Variants in ZFP64 observed in about 807,000 individuals in gnomAD.
ZFP64 encodes the protein ZFP64 zinc finger protein.
In ZFP64, 14 loss-of-function variants were observed where a neutral mutation model predicts 51.6. The observed-to-expected ratio is 0.27, with a 90% CI of 0.18 to 0.42. The LOEUF is 0.42. Among genes scored for constraint, ZFP64 ranks in the 10% least tolerant of loss-of-function variants. The probability of loss-of-function intolerance (pLI) is 1.00; values close to 1 mark genes in which losing one functional copy is unlikely to be tolerated. For synonymous variants in ZFP64, 375 were observed against 361.4 expected, an observed-to-expected ratio of 1.04 and a Z score of -0.43; for missense variants, 754 against 906.8, an observed-to-expected ratio of 0.83 and a Z score of 2.16.
At chr20:52,167,810 AT>A (rs1982405638) in intron 2 of ZFP64, among the ~76,000 whole-genome samples, 1 of 152,170 alleles carries the variant, frequency 6.6e-6, no homozygotes. Context: ...TTTACAGATT[AT>A]TTAAGTCAAC....
intron 2 of ZFP64, among the ~76,000 whole-genome samples, chr20:52,176,526 G>A (rs974439824): frequency 2.5e-4 from 30 of 119,404 alleles, no homozygotes; most frequent in Admixed American, 2.3e-4. Flanking sequence ...TTTTTGAGAC[G>A]GAGTCTCGCT....
chr20:52,102,952 A>G (rs926083742), intron 5 of ZFP64, among the ~76,000 whole-genome samples: 1 of 151,930 alleles, frequency 6.6e-6, no homozygotes, highest in Non-Finnish European at 1.5e-5. Context: ...CATGTTTTCA[A>G]CGCAAACTAG....
At chr20:52,086,432 A>G (rs1296479798) in intron 8 of ZFP64, among the ~76,000 whole-genome samples, 5 of 151,106 alleles carry the variant, frequency 3.3e-5, no homozygotes, top group African/African-American at 1.2e-4. Context: ...AGGAATCTCA[A>G]TTTCAGAAGT....
intron 5 of ZFP64, among the ~76,000 whole-genome samples, chr20:52,113,577 C>T (rs1053788165): frequency 1.4e-5 from 2 of 146,604 alleles, no homozygotes; most frequent in African/African-American, 2.5e-5. Flanking sequence ...ACAAGGCACC[C>T]GCCACCATAC....
At chr20:52,162,608 C>T (rs1449300519) in intron 4 of ZFP64, among the ~76,000 whole-genome samples, 1 of 152,104 alleles carries the variant, frequency 6.6e-6, no homozygotes, top group Non-Finnish European at 1.5e-5. Context: ...GCCTGGGTGA[C>T]AGAGCGAGAC....
chr20:52,138,418 G>A (rs1276007804), intron 5 of ZFP64, among the ~76,000 whole-genome samples: 1 of 151,976 alleles, frequency 6.6e-6, no homozygotes, highest in African/African-American at 2.4e-5. Flanking sequence ...CAAAGACAAG[G>A]AGAGGCTGAT....
Position 52,191,518 on chromosome 20 carries a change from G to A in ZFP64, c.46+73C>T. On this transcript the variant is annotated intron_variant, in intron 1 of 5. Transcript: ENST00000216923. This position sits in a 1 kb window ranked among gnomAD's most constrained non-coding sequence, Gnocchi z 4.3. The stretch of plus-strand genomic sequence containing the variant: ...CCCCGGGCCTGCTGGCTGCGTCGCA[G>A]ACGTGCTTGGGCCCGGGCCCCGGAG... 1 of 1,459,136 alleles carries A rather than the reference G, an allele frequency of 6.9e-7. No homozygotes were observed. Among genetic ancestry groups the A allele is most frequent in the Non-Finnish European group, 9.1e-7 (1 of 1,104,500 alleles). The allele number at this position is 1,459,136 out of a possible 1,614,324, so 90.4% of individuals were successfully genotyped here. A position where few individuals can be genotyped will look rare whatever the true frequency, so the allele number is the denominator to read the frequency against.
At chr20:52,182,863 T>G (rs1983709373) in intron 2 of ZFP64, among the ~76,000 whole-genome samples, 10 of 152,136 alleles carry the variant, frequency 6.6e-5, no homozygotes, top group Admixed American at 6.6e-4. Context: ...GGTGCTGGGA[T>G]CCAGTGGTGA....
At chr20:52,144,615 A>T (rs1247160975) in intron 5 of ZFP64, among the ~76,000 whole-genome samples, 1 of 148,532 alleles carries the variant, frequency 6.7e-6, no homozygotes, top group Non-Finnish European at 1.5e-5. Context: ...CTGAAAGCTG[A>T]AATGAATGAA....
chr20:52,131,129 A>G (rs1979702916), intron 5 of ZFP64, among the ~76,000 whole-genome samples: 1 of 151,430 alleles, frequency 6.6e-6, no homozygotes, highest in South Asian at 2.1e-4. Flanking sequence ...AGGGAGGAAG[A>G]CAGGAAGAAA....
chr20:52,108,804 C>T (rs182748875), intron 5 of ZFP64, among the ~76,000 whole-genome samples: 9 of 151,230 alleles, frequency 6.0e-5, no homozygotes, highest in African/African-American at 2.2e-4. Context: ...CCACTGCGCC[C>T]GGCCATCATG....
At chr20:52,176,218 A>G (rs902012218) in intron 2 of ZFP64, among the ~76,000 whole-genome samples, 2 of 152,110 alleles carry the variant, frequency 1.3e-5, no homozygotes, top group African/African-American at 4.8e-5. Context: ...AACCTGGGCG[A>G]CGTAGTGAGA....
chr20:52,097,350 T>C, intron 7 of ZFP64: 2 of 1,607,476 alleles, frequency 1.2e-6, no homozygotes, highest in Non-Finnish European at 1.7e-6. Flanking sequence ...CTTACTGAGC[T>C]GTTGAACAGA....
At chr20:52,126,269 T>C (rs1388066735) in intron 5 of ZFP64, among the ~76,000 whole-genome samples, 1 of 152,186 alleles carries the variant, frequency 6.6e-6, no homozygotes, top group Non-Finnish European at 1.5e-5. Flanking sequence ...ATCCCCATTA[T>C]AGAGAAGAAG....
chr20:52,128,013 C>T (rs1017305437), intron 5 of ZFP64, among the ~76,000 whole-genome samples: 4 of 152,110 alleles, frequency 2.6e-5, no homozygotes, highest in Non-Finnish European at 4.4e-5. Context: ...TGGCTCTGGG[C>T]TGTGGTTTGG....
chr20:52,158,021 A>C (rs112251974), intron 5 of ZFP64, among the ~76,000 whole-genome samples: 1,910 of 152,342 alleles, frequency 0.013, 19 homozygotes, highest in African/African-American at 0.019. Flanking sequence ...ATGGCTGCAC[A>C]GTATTCCACA....
chr20:52,097,860 G>A (rs1173709302), intron 6 of ZFP64, among the ~76,000 whole-genome samples: 3 of 151,766 alleles, frequency 2.0e-5, no homozygotes, highest in African/African-American at 7.3e-5. Context: ...CTGGAGGCCA[G>A]AAGTTTGAGA....
At chr20:52,144,585 A>AAAAAAAAAAAAAAAAAAT (rs1980425977) in intron 5 of ZFP64, among the ~76,000 whole-genome samples, 1 of 147,262 alleles carries the variant, frequency 6.8e-6, no homozygotes, top group East Asian at 2.0e-4. Flanking sequence ...TCTCAAAAAA[A>AAAAAAAAAAAAAAAAAAT]AAAAAAAAAA....
At chr20:52,091,818 T>C (rs999044032) in intron 7 of ZFP64, among the ~76,000 whole-genome samples, 2 of 118,228 alleles carry the variant, frequency 1.7e-5, no homozygotes, top group African/African-American at 2.7e-5. Flanking sequence ...AGAAACCCCG[T>C]CTCTACTAAA....
Sources: gnomAD v4.1 joint callset for allele counts (sites outside exome capture counted in the v4.1 genomes callset) on GRCh38, gnomAD v4.1.1 for gene constraint, Gnocchi (gnomAD v3.1) non-coding constraint, MANE v1.5 for transcripts, NCBI Gene and HGNC (gene_info 2026-07-23, HGNC 2026-07-21) for gene names.